NALCN: variants seen among roughly 807,000 people sequenced by gnomAD.
The protein encoded by NALCN is sodium leak channel, non-selective, also known as sodium leak channel NALCN.
A neutral mutation model predicts 225.3 loss-of-function variants in NALCN; 111 were observed. The observed-to-expected ratio is 0.49, with a 90% CI of 0.42 to 0.58. The LOEUF is 0.58. Ranked by LOEUF, NALCN falls within the 20% of genes least tolerant of loss-of-function variation. The probability of loss-of-function intolerance (pLI) is 0.00; values close to 1 mark genes in which losing one functional copy is unlikely to be tolerated. For missense variants in NALCN, 1,378 were observed against 2,202.4 expected (o/e 0.63, Z 7.49); for synonymous variants, 764 against 769.0 (o/e 0.99, Z 0.11).
At chr13:101,077,987 T>C (rs1236726699) in intron 34 of NALCN, among the ~76,000 whole-genome samples, 1 of 152,216 alleles carries the variant, frequency 6.6e-6, no homozygotes, top group Non-Finnish European at 1.5e-5. Context: ...AAGGTGCCAA[T>C]ATACAGCTCA....
chr13:101,107,523 T>G lies in NALCN; in HGVS notation c.2543A>C (p.Asn848Thr). The change falls in exon 22 of 44, where the codon AAC (asparagine) becomes ACC (threonine). Residue 848 changes from asparagine (N) to threonine (T), a missense_variant. Physicochemically the swap from Asn to Thr is moderately conservative, Grantham distance 65. This residue lies in a region of NALCN where 292 missense variants were observed against 409.5 expected (regional missense o/e 0.71). Transcript: ENST00000251127. ...TGCTCGGACCACCACCCGGCAAAAG[T>G]TTCTGAACCTGTGTTCTCGCCCGAC... ...FIVGREHRFR[N>T]FCRVVVRARF... 1.2e-6 allele frequency: 2 copies of G among 1,614,150 alleles called. No homozygotes were observed. The highest frequency in any genetic ancestry group is 1.7e-6 in the Non-Finnish European group (2 of 1,180,002).
At chr13:101,240,559 T>C (rs924246100) in intron 11 of NALCN, among the ~76,000 whole-genome samples, 5 of 152,200 alleles carry the variant, frequency 3.3e-5, no homozygotes, top group African/African-American at 9.6e-5. Flanking sequence ...TATTTCATTT[T>C]TAAGATTTAT....
intron 13 of NALCN, among the ~76,000 whole-genome samples, chr13:101,216,844 T>C (rs1274522610): frequency 6.6e-6 from 1 of 152,168 alleles, no homozygotes; most frequent in Non-Finnish European, 1.5e-5. Flanking sequence ...AATAACTGTT[T>C]TGGACATATT....
chr13:101,294,560 CTTTTT>C (rs10615640), intron 7 of NALCN, among the ~76,000 whole-genome samples: 3 of 87,856 alleles, frequency 3.4e-5, no homozygotes, highest in East Asian at 3.8e-4. Flanking sequence ...TTTATTGTTT[CTTTTT>C]TTTTTTTTTT....
rs2139365623 is a variant in NALCN at position 101,054,282 on chromosome 13, A to C, written c.*1013T>G. 6.6e-6 allele frequency: 1 copy of C among 152,354 alleles called. No individual in the cohort carries two copies. The highest frequency in any genetic ancestry group is 2.1e-4 in the South Asian group (1 of 4,826). The allele number at this position is 152,354 out of a possible 1,614,324, so 9.4% of individuals were successfully genotyped here. ...ATCCCTAACCTGTGAGTTCAAAGGA[A>C]GATTTTGCAGGGCACCATTATTTCC... On this transcript the variant is annotated 3_prime_UTR_variant, in exon 44 of 44. Transcript: ENST00000251127.
At chr13:101,214,160 G>C (rs4394942) in intron 13 of NALCN, among the ~76,000 whole-genome samples, 95,599 of 151,900 alleles carry the variant, frequency 0.63, 31,077 homozygotes, top group African/African-American at 0.8. Context: ...ATGGATGAAG[G>C]TGGAAACCAT....
intron 7 of NALCN, among the ~76,000 whole-genome samples, chr13:101,336,155 G>T (rs1037074201): frequency 1.1e-4 from 17 of 152,106 alleles, no homozygotes; most frequent in Non-Finnish European, 2.1e-4. Flanking sequence ...TGGATCCATT[G>T]TCAATCCTAT....
intron 3 of NALCN, among the ~76,000 whole-genome samples, chr13:101,394,724 T>A (rs1369177512): frequency 1.3e-5 from 2 of 152,346 alleles, no homozygotes; most frequent in East Asian, 1.9e-4. Context: ...ATGTCCTTTT[T>A]TTTTTATCCT....
At chr13:101,092,049 T>C (rs2139560649) in intron 28 of NALCN, among the ~76,000 whole-genome samples, 1 of 152,314 alleles carries the variant, frequency 6.6e-6, no homozygotes, top group South Asian at 2.1e-4. Context: ...ACGGAGTCCT[T>C]CAATAAATCC....
At chr13:101,309,796 T>C (rs1408345277) in intron 7 of NALCN, among the ~76,000 whole-genome samples, 2 of 152,216 alleles carry the variant, frequency 1.3e-5, no homozygotes, top group African/African-American at 4.8e-5. Context: ...ATGTGTAGTT[T>C]TCATTATTCA....
chr13:101,127,847 T>A (rs1400703409), intron 17 of NALCN, among the ~76,000 whole-genome samples: 1 of 152,256 alleles, frequency 6.6e-6, no homozygotes, highest in Non-Finnish European at 1.5e-5. Context: ...TTCTTTTTTC[T>A]TACTTCTATA....
At chr13:101,055,945 A>T (rs1309920971) in intron 43 of NALCN, among the ~76,000 whole-genome samples, 1 of 152,122 alleles carries the variant, frequency 6.6e-6, no homozygotes, top group East Asian at 1.9e-4. Context: ...GTTGGGACCC[A>T]CCTCTGCAAC....
rs115660814 is a variant in NALCN, at chr13:101,079,731, T to C, written c.3885+1796A>G. ...TCTTCTCAGTTACTAGTACTGTGTC[T>C]TGTACTAGGAATTGAGAACCATTTA... is the stretch of plus-strand genomic sequence containing the variant. On this transcript the variant is annotated intron_variant, in intron 34 of 43. Transcript: ENST00000251127. Among the ~76,000 whole-genome samples, 1,497 of 152,298 alleles carry C rather than the reference T, an allele frequency of 9.8e-3. 7 individuals carry two copies. Among genetic ancestry groups the C allele is most frequent in the Non-Finnish European group, 0.012 (821 of 68,016 alleles).
chr13:101,293,885 A>T (rs2043639085), intron 7 of NALCN, among the ~76,000 whole-genome samples: 1 of 152,218 alleles, frequency 6.6e-6, no homozygotes, highest in Non-Finnish European at 1.5e-5. Flanking sequence ...TTTAAAAATC[A>T]TATTTTGTAC....
chr13:101,100,774 T>C lies in NALCN; in HGVS notation c.3162+10A>G, dbSNP rs373228443. ...ATTTTTATTTCAAAAGACAGAAAGA[T>C]ACATCTTACCCTTCTAATAATGTTG... On this transcript the variant is annotated intron_variant, in intron 27 of 43. Transcript: ENST00000251127. The C allele has an allele frequency of 8.0e-5, 128 of 1,594,356 alleles. No individual in the cohort carries two copies. Among genetic ancestry groups the C allele is most frequent in the Non-Finnish European group, 1.1e-4 (124 of 1,170,618 alleles).
At chr13:101,346,896 T>C (rs2045756451) in intron 6 of NALCN, among the ~76,000 whole-genome samples, 1 of 152,134 alleles carries the variant, frequency 6.6e-6, no homozygotes, top group Non-Finnish European at 1.5e-5. Flanking sequence ...TACACTAATT[T>C]CCCACTACAT....
Position 101,082,805 on chromosome 13 carries a change from G to A in NALCN, c.3765+4C>T. The A allele has an allele frequency of 6.2e-7, 1 of 1,614,026 alleles. No individual in the cohort carries two copies. The highest frequency in any genetic ancestry group is 2.2e-5 in the East Asian group (1 of 44,884). On this transcript the variant is annotated splice_donor_region_variant and intron_variant, in intron 33 of 43. Coordinates refer to ENST00000251127, the MANE Select transcript of NALCN (RefSeq NM_052867.4). ...CCCCAGAGCTAGCTGACTCATTACA[G>A]TACCTCCAGAACAAAGATGAAGGTG...
At position 101,396,399 on chromosome 13, in the gene NALCN, A is replaced by G. The variant is rs550907437; in HGVS notation, c.109-1034T>C. Among the ~76,000 whole-genome samples the G allele has an allele frequency of 2.6e-5, 4 of 152,258 alleles. No homozygotes were observed. The East Asian group carries it at 7.7e-4, about 29-fold the overall frequency. ...TATCTGGGACATATATGAAATTATG[A>G]TAATTCTTTAATATAATACTCTGAA... On this transcript the variant is annotated intron_variant, in intron 2 of 43. Transcript: ENST00000251127.
chr13:101,207,703 G>C (rs1251492632), intron 13 of NALCN, among the ~76,000 whole-genome samples: 2 of 149,948 alleles, frequency 1.3e-5, no homozygotes, highest in Non-Finnish European at 2.9e-5. Context: ...TCTGTAAAAT[G>C]GACCAATCAG....
Sources: allele counts gnomAD v4.1 joint callset (sites outside exome capture counted in the v4.1 genomes callset), GRCh38; gene constraint gnomAD v4.1.1; regional missense constraint gnomAD v4.1.1; transcripts MANE v1.5; gene names NCBI Gene and HGNC (gene_info 2026-07-23, HGNC 2026-07-21).